RNF144A: variants seen among roughly 807,000 people sequenced by gnomAD.
RNF144A encodes E3 ubiquitin-protein ligase RNF144A.
A neutral mutation model predicts 38.7 loss-of-function variants in RNF144A; 11 were observed. That is an observed-to-expected ratio of 0.28 (90% CI 0.18 to 0.47). The LOEUF (loss-of-function observed/expected upper bound fraction) is 0.47, where lower values mean the gene tolerates loss of function less well. RNF144A is among the 20% of genes least tolerant of loss of function. The pLI is 0.99. For synonymous variants in RNF144A, 149 were observed against 143.9 expected (o/e 1.04, Z -0.25); for missense variants, 316 against 377.2 (o/e 0.84, Z 1.34).
chr2:7,076,098 T>C, the RNF144A span, among the ~76,000 whole-genome samples: 6 of 152,224 alleles, frequency 3.9e-5, no homozygotes, highest in Non-Finnish European at 5.9e-5. Flanking sequence ...TGTGTTTCTG[T>C]ATGCACATGG....
downstream of RNF144A, among the ~76,000 whole-genome samples, chr2:7,047,603 A>C (rs1009617811): frequency 6.6e-6 from 1 of 152,190 alleles, no homozygotes; most frequent in African/African-American, 2.4e-5. Context: ...GGGAATTCTG[A>C]GATATACAAT....
chr2:6,936,288 T>C (rs1332131908), intron 1 of RNF144A, among the ~76,000 whole-genome samples: 1 of 152,230 alleles, frequency 6.6e-6, no homozygotes, highest in Non-Finnish European at 1.5e-5. Context: ...TATCACTAAC[T>C]GATGGCATAT....
chr2:6,949,177 C>T (rs776466149), intron 2 of RNF144A, among the ~76,000 whole-genome samples: 7 of 152,108 alleles, frequency 4.6e-5, no homozygotes, highest in African/African-American at 1.4e-4. Flanking sequence ...AAAAGTCAAA[C>T]GCAATTTGAG....
intron 1 of RNF144A, among the ~76,000 whole-genome samples, chr2:6,928,725 G>A (rs985853671): frequency 6.6e-6 from 1 of 152,082 alleles, no homozygotes; most frequent in Non-Finnish European, 1.5e-5. Context: ...TGTGGCTTTC[G>A]CTAGCCTTTT....
chr2:6,953,167 C>G (rs10186855), intron 2 of RNF144A, among the ~76,000 whole-genome samples: 95,462 of 151,640 alleles, frequency 0.63, 34,503 homozygotes, highest in Non-Finnish European at 0.81. Flanking sequence ...TGGCTCACAC[C>G]GGTAATCCCA....
chr2:6,965,449 A>T (rs1281954706), intron 2 of RNF144A, among the ~76,000 whole-genome samples: 1 of 152,198 alleles, frequency 6.6e-6, no homozygotes, highest in Non-Finnish European at 1.5e-5. Flanking sequence ...TTACTCAATT[A>T]CAGAAACGTC....
chr2:7,037,463 A>G (rs943878835), intron 8 of RNF144A, among the ~76,000 whole-genome samples: 1 of 152,238 alleles, frequency 6.6e-6, no homozygotes, highest in Non-Finnish European at 1.5e-5. Context: ...AGCTTACTGC[A>G]TGTTTTATGC....
intron 2 of RNF144A, among the ~76,000 whole-genome samples, chr2:6,953,334 C>G (rs1364128715): frequency 6.6e-6 from 1 of 152,096 alleles, no homozygotes; most frequent in African/African-American, 2.4e-5. Flanking sequence ...GAGGCTGAGG[C>G]AGGAGAATTG....
intron 1 of RNF144A, among the ~76,000 whole-genome samples, chr2:6,935,839 C>G (rs1387079430): frequency 6.6e-6 from 1 of 152,262 alleles, no homozygotes; most frequent in African/African-American, 2.4e-5. Context: ...ATCTGCACAC[C>G]TACCCTAGGG....
At chr2:6,969,195 G>A (rs939113828) in intron 2 of RNF144A, among the ~76,000 whole-genome samples, 1 of 152,168 alleles carries the variant, frequency 6.6e-6, no homozygotes, top group Non-Finnish European at 1.5e-5. Context: ...AGGCTTAACT[G>A]TATCCCCTTA....
chr2:6,996,762 C>T (rs1254664938), intron 2 of RNF144A, 154 bp from the exon 3 acceptor site: 1 of 765,534 alleles, frequency 1.3e-6, no homozygotes, highest in Non-Finnish European at 2.0e-6. Context: ...CAAAAAAAAC[C>T]AAAAAATTCT....
In RNF144A at chr2:6,993,140, T is replaced by A. The variant is rs577752858; in HGVS notation, c.-11-3776T>A. Among the ~76,000 whole-genome samples, 243 of 152,238 alleles carry A rather than the reference T, an allele frequency of 1.6e-3. 1 individual carries two copies. The highest frequency in any genetic ancestry group is 4.2e-3 in the Admixed American group (64 of 15,294). ...ATGGGTTTAGACAATATAGACCCCT[T>A]TTTTTTCTGTAAAATATATCCTGTT... is the stretch of plus-strand genomic sequence containing the variant. On this transcript the variant is annotated intron_variant, in intron 2 of 8. Transcript: ENST00000320892.
chr2:6,917,500 T>C lies in RNF144A; in HGVS notation c.-334T>C, dbSNP rs1477979145. On this transcript the variant is annotated 5_prime_UTR_variant, in exon 1 of 9. Coordinates refer to ENST00000320892, the MANE Select transcript of RNF144A (RefSeq NM_014746.6). This position sits in a 1 kb window ranked among gnomAD's most constrained non-coding sequence, Gnocchi z 4.8. ...GGAGGCGGCAGGGCTGGCATTGCAGTGCGGGCCGTGCGGGCTGCGCGGGCG... is the reference window on the plus strand; with the variant it reads ...GGAGGCGGCAGGGCTGGCATTGCAGCGCGGGCCGTGCGGGCTGCGCGGGCG... 2.7e-5 allele frequency: 4 copies of C among 147,240 alleles called. No individual in the cohort carries two copies. Among genetic ancestry groups the C allele is most frequent in the Non-Finnish European group, 6.0e-5 (4 of 66,186 alleles). 9.1% of individuals were successfully genotyped at this position (147,240 alleles called of 1,614,324 possible).
rs1572227216 is a variant in RNF144A at position 6,940,970 on chromosome 2, T to A, written c.-189T>A. The A allele has an allele frequency of 1.3e-5, 2 of 152,542 alleles. No homozygotes were observed. Among genetic ancestry groups the A allele is most frequent in the South Asian group, 4.1e-4 (2 of 4,834 alleles). The allele number at this position is 152,542 out of a possible 1,614,324, so 9.4% of individuals were successfully genotyped here. A position where few individuals can be genotyped will look rare whatever the true frequency, so the allele number is the denominator to read the frequency against. ...TAGGCATCCAGTACCCTGCTGACTC[T>A]GACATGCCCCCAGCCTCCCCCAGCT... On this transcript the variant is annotated 5_prime_UTR_variant, in exon 2 of 9. Coordinates refer to ENST00000320892, the MANE Select transcript of RNF144A (RefSeq NM_014746.6).
downstream of RNF144A, among the ~76,000 whole-genome samples, chr2:7,045,168 T>C (rs1188580548): frequency 6.6e-6 from 1 of 152,202 alleles, no homozygotes; most frequent in Non-Finnish European, 1.5e-5. Flanking sequence ...CAGAGTTTGG[T>C]CCAACTGGCG....
intron 2 of RNF144A, among the ~76,000 whole-genome samples, chr2:6,980,489 A>G (rs891747340): frequency 6.6e-6 from 1 of 152,264 alleles, no homozygotes; most frequent in Non-Finnish European, 1.5e-5. Flanking sequence ...AAATCTGGCC[A>G]GGCAGTCATT....
Position 6,941,651 on chromosome 2 carries a change from C to T in RNF144A, c.-12+504C>T, listed in dbSNP as rs1198513627. Among the ~76,000 whole-genome samples the T allele has an allele frequency of 6.6e-6, 1 of 152,238 alleles. No homozygotes were observed. The highest frequency in any genetic ancestry group is 1.5e-5 in the Non-Finnish European group (1 of 68,038). On this transcript the variant is annotated intron_variant, in intron 2 of 8. Transcript: ENST00000320892. This position sits in a 1 kb window ranked among gnomAD's most constrained non-coding sequence, Gnocchi z 6.5. ...CAAATTATATACTATGCAACAAGGC[C>T]TAGATATTGTAGAGAAAAGAAAAAG...
intron 5 of RNF144A, among the ~76,000 whole-genome samples, chr2:7,017,082 G>A (rs1671185994): frequency 6.6e-6 from 1 of 152,158 alleles, no homozygotes; most frequent in South Asian, 2.1e-4. Flanking sequence ...GCGAGGGGGT[G>A]TGGATGCCTC....
intron 5 of RNF144A, among the ~76,000 whole-genome samples, chr2:7,015,244 A>T (rs1219424281): frequency 1.3e-5 from 2 of 152,224 alleles, no homozygotes; most frequent in Non-Finnish European, 2.9e-5. Flanking sequence ...TCACCACTGG[A>T]CACAGACCTA....
Sources: allele counts gnomAD v4.1 joint callset (sites outside exome capture counted in the v4.1 genomes callset), GRCh38; gene constraint gnomAD v4.1.1; non-coding constraint Gnocchi (gnomAD v3.1); transcripts MANE v1.5; gene names NCBI Gene and HGNC (gene_info 2026-07-23, HGNC 2026-07-21).